CORIN: variants seen among roughly 807,000 people sequenced by gnomAD.
CORIN encodes atrial natriuretic peptide-converting enzyme.
In CORIN, 117 loss-of-function variants were observed where a neutral mutation model predicts 125.3. That is an observed-to-expected ratio of 0.93 (90% confidence interval 0.80 to 1.09). CORIN has a LOEUF of 1.09. Ranked by LOEUF, CORIN falls within the 50% of genes least tolerant of loss-of-function variation. The pLI is 0.00. For synonymous variants in CORIN, 450 were observed against 466.4 expected (o/e 0.96, Z 0.45); for missense variants, 1,253 against 1,306.7 (o/e 0.96, Z 0.63).
At chr4:47,688,527 G>A (rs1725624899) in intron 6 of CORIN, among the ~76,000 whole-genome samples, 2 of 152,088 alleles carry the variant, frequency 1.3e-5, no homozygotes, top group Admixed American at 6.5e-5. Flanking sequence ...GCTTGAGCTC[G>A]GGTAGTGGAG....
chr4:47,689,060 T>C (rs1725651662), intron 6 of CORIN, among the ~76,000 whole-genome samples: 1 of 152,230 alleles, frequency 6.6e-6, no homozygotes, highest in South Asian at 2.1e-4. Context: ...GTGCATATTT[T>C]GTGTTTCTCT....
intron 4 of CORIN, among the ~76,000 whole-genome samples, chr4:47,762,095 T>G (rs1729490097): frequency 1.3e-5 from 2 of 152,150 alleles, no homozygotes; most frequent in Non-Finnish European, 2.9e-5. Context: ...TGTATATATA[T>G]GTACACACAT....
intron 3 of CORIN, among the ~76,000 whole-genome samples, chr4:47,782,752 G>A (rs564318058): frequency 1.6e-4 from 25 of 152,196 alleles, no homozygotes; most frequent in African/African-American, 6.0e-4. Context: ...GCTATATCAC[G>A]GATGCATTCT....
At chr4:47,711,265 C>T (rs1423541628) in intron 5 of CORIN, among the ~76,000 whole-genome samples, 3 of 152,190 alleles carry the variant, frequency 2.0e-5, no homozygotes, top group South Asian at 4.1e-4. Flanking sequence ...CAGGGACTGC[C>T]GGTTGTCATC....
intron 3 of CORIN, among the ~76,000 whole-genome samples, chr4:47,781,536 A>G (rs1016427532): frequency 3.9e-5 from 6 of 152,244 alleles, no homozygotes; most frequent in East Asian, 1.9e-4. Flanking sequence ...CTAAGCTACA[A>G]TGTTCTATAG....
chr4:47,669,020 C>T (rs1192659654), intron 10 of CORIN, among the ~76,000 whole-genome samples: 2 of 152,116 alleles, frequency 1.3e-5, no homozygotes, highest in African/African-American at 4.8e-5. Context: ...ATTTAAAAAT[C>T]GCCACTAGAG....
At chr4:47,778,712 G>A (rs1418785763) in intron 3 of CORIN, among the ~76,000 whole-genome samples, 2 of 152,150 alleles carry the variant, frequency 1.3e-5, no homozygotes, top group Non-Finnish European at 2.9e-5. Context: ...TCTCATAATT[G>A]TTCTTTCAGA....
At chr4:47,776,898 T>C (rs1051026754) in intron 3 of CORIN, among the ~76,000 whole-genome samples, 2 of 152,202 alleles carry the variant, frequency 1.3e-5, no homozygotes, top group East Asian at 3.8e-4. Context: ...TTAAAATATA[T>C]TTTTGTCCTT....
chr4:47,713,059 T>A (rs575823450), intron 5 of CORIN, among the ~76,000 whole-genome samples: 139 of 151,970 alleles, frequency 9.1e-4, no homozygotes, highest in African/African-American at 3.2e-3. Flanking sequence ...AGAGGAAAAA[T>A]GGGCTTCTAC....
intron 3 of CORIN, among the ~76,000 whole-genome samples, chr4:47,767,644 T>C (rs1729820055): frequency 6.6e-6 from 1 of 152,128 alleles, no homozygotes; most frequent in African/African-American, 2.4e-5. Context: ...ATATAAACCA[T>C]GACTGTCTCC....
rs1467158786 is a variant in CORIN, at chr4:47,732,997, T to A, written c.799+11405A>T. On this transcript the variant is annotated intron_variant, in intron 5 of 21. Coordinates refer to ENST00000273857, the MANE Select transcript of CORIN (RefSeq NM_006587.4). ...TCTGTGTCTGTGCGTCCCATGTCCA[T>A]CTCTCCACTGGCCTATGAACTCTTT... Among the ~76,000 whole-genome samples, 10 of 152,176 alleles carry A rather than the reference T, an allele frequency of 6.6e-5. No homozygotes were observed. In the East Asian group the frequency reaches 1.9e-3, roughly 29 times the overall value.
chr4:47,722,743 T>G (rs890649389), intron 5 of CORIN, among the ~76,000 whole-genome samples: 1 of 152,184 alleles, frequency 6.6e-6, no homozygotes, highest in African/African-American at 2.4e-5. Context: ...GATTCTAAGA[T>G]TCTAGGTCCA....
chr4:47,694,853 G>GA lies in CORIN; in HGVS notation c.800-1771dup, dbSNP rs61761802. ...TAGAACAATATATTGCCATAAAGCA[G>GA]AAAAAAAACAAAATTAATGAATTAT... On this transcript the variant is annotated intron_variant, in intron 5 of 21. Coordinates refer to ENST00000273857, the MANE Select transcript of CORIN (RefSeq NM_006587.4). Among the ~76,000 whole-genome samples the GA allele has an allele frequency of 6.5e-4, 98 of 151,512 alleles. 4 individuals are homozygous for GA. Among genetic ancestry groups the GA allele is most frequent in the Admixed American group, 1.3e-4 (2 of 15,222 alleles).
intron 3 of CORIN, among the ~76,000 whole-genome samples, chr4:47,779,273 C>T (rs1730429805): frequency 6.6e-6 from 1 of 152,056 alleles, no homozygotes; most frequent in East Asian, 1.9e-4. Flanking sequence ...TTGAGACCAG[C>T]CTGGCCAACA....
intron 16 of CORIN, among the ~76,000 whole-genome samples, chr4:47,637,673 T>G (rs1723079665): frequency 6.6e-6 from 1 of 152,208 alleles, no homozygotes; most frequent in African/African-American, 2.4e-5. Flanking sequence ...GAATTGGGAT[T>G]TGGGAACCTC....
chr4:47,679,928 T>G, intron 8 of CORIN: 2 of 392,818 alleles, frequency 5.1e-6, no homozygotes, highest in Non-Finnish European at 9.1e-6. Context: ...AAGCTTGGAG[T>G]TTTGCAGGGA....
At chr4:47,661,889 C>A in intron 11 of CORIN, 33 bp from the exon 12 acceptor site, 1 of 1,559,846 alleles carries the variant, frequency 6.4e-7, no homozygotes, top group Non-Finnish European at 8.7e-7. Context: ...ACATTAGAAG[C>A]AGAAATAGCT....
rs773530238 is a variant in CORIN at position 47,603,533 on chromosome 4, G to A, written c.2676C>T (p.Asp892=). The A allele has an allele frequency of 1.9e-6, 3 of 1,614,092 alleles. No individual in the cohort carries two copies. The highest frequency in any genetic ancestry group is 2.5e-6 in the Non-Finnish European group (3 of 1,180,058). ...PRYSRAVVDY[D]ISIVELSEDI... ...CTTCACTCAGCTCAACGATGCTGATGTCATAGTCCACCACTGCTCGACTGT... is the reference window on the plus strand; with the variant it reads ...CTTCACTCAGCTCAACGATGCTGATATCATAGTCCACCACTGCTCGACTGT... The change falls in exon 20 of 22, where the codon GAC becomes GAT. Residue 892 remains aspartate, a synonymous_variant. Coordinates refer to ENST00000273857, the MANE Select transcript of CORIN (RefSeq NM_006587.4).
At chr4:47,690,229 C>G (rs1209995740) in intron 6 of CORIN, among the ~76,000 whole-genome samples, 1 of 152,080 alleles carries the variant, frequency 6.6e-6, no homozygotes, top group Admixed American at 6.5e-5. Flanking sequence ...TTTTTATGGA[C>G]AAGGACAAGT....
Sources: allele counts gnomAD v4.1 joint callset (sites outside exome capture counted in the v4.1 genomes callset), GRCh38; gene constraint gnomAD v4.1.1; transcripts MANE v1.5; gene names NCBI Gene and HGNC (gene_info 2026-07-23, HGNC 2026-07-21).